Variants in SLC5A7 observed in about 807,000 individuals in gnomAD.
SLC5A7 encodes the protein high affinity choline transporter 1.
In SLC5A7, 19 loss-of-function variants were observed where a neutral mutation model predicts 55.4. That is an observed-to-expected ratio of 0.34 (90% CI 0.24 to 0.50). The LOEUF (loss-of-function observed/expected upper bound fraction) is 0.50. Among genes scored for constraint, SLC5A7 ranks in the 20% least tolerant of loss-of-function variants. The pLI is 0.98. For missense variants in SLC5A7, 506 were observed against 705.3 expected (o/e 0.72, Z 3.20); for synonymous variants, 265 against 263.7 (o/e 1.00, Z -0.05).
chr2:108,007,338 C>G (rs1428815107), intron 7 of SLC5A7, among the ~76,000 whole-genome samples: 2 of 151,938 alleles, frequency 1.3e-5, no homozygotes, highest in Non-Finnish European at 2.9e-5. Flanking sequence ...TGTACACTCT[C>G]CATTCCAGTT....
In SLC5A7 at chr2:108,010,377, A is replaced by T; in HGVS notation, c.1259A>T (p.Gln420Leu). The stretch of plus-strand genomic sequence containing the variant: ...CTTGTTTACATCGTTATCTTCCCCC[A>T]GCTGCTTTGTGTACTCTTTGTTAAG... ...SDLVYIVIFP[Q>L]LLCVLFVKGT... is the part of the protein sequence containing the mutation. Residue 420 changes from glutamine (Q) to leucine (L), a missense_variant, in exon 9 of 9, where the codon CAG (glutamine) becomes CTG (leucine). Physicochemically the swap from Gln to Leu is moderately radical, Grantham distance 113. Around this residue, in one of 4 missense-constraint regions of SLC5A7, gnomAD observed 309 missense variants for 478.6 expected, o/e 0.65. Coordinates refer to ENST00000264047, the MANE Select transcript of SLC5A7 (RefSeq NM_021815.5). The T allele has an allele frequency of 1.9e-6, 3 of 1,613,842 alleles. No homozygotes were observed. Among genetic ancestry groups the T allele is most frequent in the Non-Finnish European group, 2.5e-6 (3 of 1,179,928 alleles).
chr2:107,993,039 A>C lies in SLC5A7; in HGVS notation c.360A>C (p.Gln120His). Residue 120 changes from glutamine to histidine, a missense_variant, in exon 4 of 9, where the codon CAA becomes CAC. Around this residue, in one of 4 missense-constraint regions of SLC5A7, gnomAD observed 309 missense variants for 478.6 expected, o/e 0.65. Transcript: ENST00000264047. ...TGACCATGTTAGACCCGTTTCAGCA[A>C]ATCTATGGAAAACGCATGGGCGGAC... ...GYVTMLDPFQ[Q>H]IYGKRMGGLL... The C allele has an allele frequency of 1.9e-6, 3 of 1,614,236 alleles. No individual in the cohort carries two copies. The highest frequency in any genetic ancestry group is 2.5e-6 in the Non-Finnish European group (3 of 1,180,036).
At position 108,012,436 on chromosome 2, in the gene SLC5A7, A is replaced by G. The variant is rs1678367107; in HGVS notation, c.*1575A>G. ...GTTTAGCATTAAAAATAAAAGTTGT[A>G]CCTTGACCCTAGAATTCCTTTTATA... On this transcript the variant is annotated 3_prime_UTR_variant, in exon 9 of 9. Coordinates refer to ENST00000264047, the MANE Select transcript of SLC5A7 (RefSeq NM_021815.5). 1 of 152,144 alleles carries G rather than the reference A, an allele frequency of 6.6e-6. No individual in the cohort carries two copies. Among genetic ancestry groups the G allele is most frequent in the Admixed American group, 6.6e-5 (1 of 15,260 alleles). The allele number at this position is 152,144 out of a possible 1,614,324, so 9.4% of individuals were successfully genotyped here.
rs1408366593 is a variant in SLC5A7, at chr2:108,002,130, G to T, written c.741+90G>T. 2.6e-5 allele frequency: 38 copies of T among 1,467,166 alleles called. No homozygotes were observed. The Middle Eastern group carries it at 1.9e-3, about 72-fold the overall frequency. 90.9% of individuals were successfully genotyped at this position (1,467,166 alleles called of 1,614,324 possible). A position where few individuals can be genotyped will look rare whatever the true frequency, so the allele number is the denominator to read the frequency against. On this transcript the variant is annotated intron_variant, in intron 6 of 8. Transcript: ENST00000264047. The stretch of plus-strand genomic sequence containing the variant: ...ATTTTCATATTCATAGTAAAAAAAT[G>T]TGCTTGTGGGCTCATGGCCATTTCT...
chr2:107,995,464 A>AGTGTGTGTGTGT (rs1351455221), intron 4 of SLC5A7, among the ~76,000 whole-genome samples: 1 of 129,032 alleles, frequency 7.8e-6, no homozygotes, highest in Non-Finnish European at 1.7e-5. Flanking sequence ...AGAGAGAGAG[A>AGTGTGTGTGTGT]GAGAGAGTGT....
intron 4 of SLC5A7, among the ~76,000 whole-genome samples, chr2:107,995,660 G>A (rs1325186455): frequency 1.3e-5 from 2 of 152,020 alleles, no homozygotes; most frequent in Admixed American, 6.6e-5. Context: ...AAAATTTAGT[G>A]TTTATTACAA....
chr2:108,008,774 A>G, intron 8 of SLC5A7, 92 bp downstream of exon 8: 1 of 845,346 alleles, frequency 1.2e-6, no homozygotes, highest in South Asian at 2.7e-5. Flanking sequence ...TTATATATTT[A>G]TTAATATTCT....
At chr2:108,001,858 A>G (rs1677920542) in intron 5 of SLC5A7, 39 bp from the exon 6 acceptor site, 1 of 1,609,896 alleles carries the variant, frequency 6.2e-7, no homozygotes, top group African/African-American at 1.3e-5. Context: ...GACAGTTGAA[A>G]ACCATCGCCT....
Position 108,006,150 on chromosome 2 carries a change from C to T in SLC5A7, c.843C>T (p.Cys281=). 1 of 1,614,070 alleles carries T rather than the reference C, an allele frequency of 6.2e-7. No individual in the cohort carries two copies. The highest frequency in any genetic ancestry group is 8.5e-7 in the Non-Finnish European group (1 of 1,179,988). The change falls in exon 7 of 9, where the codon TGC becomes TGT. Residue 281 remains cysteine (C), a synonymous_variant. Coordinates refer to ENST00000264047, the MANE Select transcript of SLC5A7 (RefSeq NM_021815.5). ...QVLSFLAAFG[C]LVMAIPAILI... ...TGTCCTTCCTGGCAGCTTTCGGGTG[C>T]CTGGTGATGGCCATCCCAGCCATAC...
Position 108,012,775 on chromosome 2 carries a change from A to T in SLC5A7, c.*1914A>T, listed in dbSNP as rs1051010008. The T allele has an allele frequency of 2.0e-5, 3 of 152,256 alleles. No individual in the cohort carries two copies. Among genetic ancestry groups the T allele is most frequent in the African/African-American group, 7.2e-5 (3 of 41,576 alleles). 9.4% of individuals were successfully genotyped at this position (152,256 alleles called of 1,614,324 possible). A position where few individuals can be genotyped will look rare whatever the true frequency, so the allele number is the denominator to read the frequency against. On this transcript the variant is annotated 3_prime_UTR_variant, in exon 9 of 9. Coordinates refer to ENST00000264047, the MANE Select transcript of SLC5A7 (RefSeq NM_021815.5). ...GTATGGGAGTCCACGATTCTCAGGT[A>T]TTGATTGAAAAAAGAGAAAGGGGCA...
Position 108,011,210 on chromosome 2 carries a change from T to C in SLC5A7, c.*349T>C, listed in dbSNP as rs1163011964. 1 of 170,686 alleles carries C rather than the reference T, an allele frequency of 5.9e-6. No homozygotes were observed. The highest frequency in any genetic ancestry group is 1.2e-5 in the Non-Finnish European group (1 of 81,054). The allele number at this position is 170,686 out of a possible 1,614,324, so 10.6% of individuals were successfully genotyped here. ...TGAAAAAGCCTAAGAAAAAGGAAATTGGACAGTTTTGATACAAACTTTGTT... is the reference window on the plus strand; with the variant it reads ...TGAAAAAGCCTAAGAAAAAGGAAATCGGACAGTTTTGATACAAACTTTGTT... On this transcript the variant is annotated 3_prime_UTR_variant, in exon 9 of 9. Coordinates refer to ENST00000264047, the MANE Select transcript of SLC5A7 (RefSeq NM_021815.5).
chr2:108,006,226 C>G, intron 7 of SLC5A7, 24 bp downstream of exon 7: 1 of 1,612,832 alleles, frequency 6.2e-7, no homozygotes, highest in South Asian at 1.1e-5. Flanking sequence ...AGCTTCACCA[C>G]ATGTGCCAGT....
At chr2:107,998,066 TAGAAA>T in intron 5 of SLC5A7, 80 bp downstream of exon 5, 5 of 1,340,094 alleles carry the variant, frequency 3.7e-6, no homozygotes, top group Non-Finnish European at 5.0e-6. Flanking sequence ...TAAAAATGAG[TAGAAA>T]TATTATTTTC....
At chr2:107,990,675 T>A (rs775098491) in intron 2 of SLC5A7, among the ~76,000 whole-genome samples, 1 of 152,222 alleles carries the variant, frequency 6.6e-6, no homozygotes, top group Non-Finnish European at 1.5e-5. Context: ...GTATATAAAC[T>A]TTTCATTTAA....
rs1458577551 is a variant in SLC5A7, at chr2:108,008,599, G to T, written c.1030G>T (p.Val344Phe). Residue 344 changes from valine (V) to phenylalanine (F), a missense_variant, in exon 8 of 9, where the codon GTT becomes TTT. Val to Phe is a conservative substitution (Grantham distance 50). This residue lies in a region of SLC5A7 where 309 missense variants were observed against 478.6 expected (regional missense o/e 0.65). Coordinates refer to ENST00000264047, the MANE Select transcript of SLC5A7 (RefSeq NM_021815.5). ...FFGLGAVSAA[V>F]MSSADSSILS... Reference sequence around the variant, plus strand: ...TGGTCTTGGTGCAGTTTCTGCTGCTGTTATGTCATCAGCAGATTCTTCCAT... The same window carrying T: ...TGGTCTTGGTGCAGTTTCTGCTGCTTTTATGTCATCAGCAGATTCTTCCAT... 1 of 1,613,502 alleles carries T rather than the reference G, an allele frequency of 6.2e-7. No homozygotes were observed. Among genetic ancestry groups the T allele is most frequent in the Admixed American group, 1.7e-5 (1 of 59,898 alleles).
At position 107,997,900 on chromosome 2, in the gene SLC5A7, A is replaced by G. The variant is rs1324522051; in HGVS notation, c.511A>G (p.Ile171Val). 1 of 1,613,848 alleles carries G rather than the reference A, an allele frequency of 6.2e-7. No homozygotes were observed. The highest frequency in any genetic ancestry group is 8.5e-7 in the Non-Finnish European group (1 of 1,179,930). Reference sequence around the variant, plus strand: ...CATTTCTGTCATCATCTCTGCACTCATTGCCACTCTGTACACACTGGTGGG... The same window carrying G: ...CATTTCTGTCATCATCTCTGCACTCGTTGCCACTCTGTACACACTGGTGGG... ...MHISVIISAL[I>V]ATLYTLVGGL... Residue 171 changes from isoleucine (I) to valine (V), a missense_variant, in exon 5 of 9, where the codon ATT (isoleucine) becomes GTT (valine). Ile to Val is a conservative substitution (Grantham distance 29). Transcript: ENST00000264047.
intron 4 of SLC5A7, among the ~76,000 whole-genome samples, chr2:107,995,935 C>T (rs1449144837): frequency 6.6e-6 from 1 of 152,040 alleles, no homozygotes; most frequent in African/African-American, 2.4e-5. Flanking sequence ...GTTTTACTTA[C>T]AATTGATTTA....
intron 4 of SLC5A7, among the ~76,000 whole-genome samples, chr2:107,994,557 G>T (rs1490775537): frequency 6.6e-6 from 1 of 152,094 alleles, no homozygotes; most frequent in Non-Finnish European, 1.5e-5. Flanking sequence ...CTGCACTCCA[G>T]CCTGGGCGAC....
intron 7 of SLC5A7, among the ~76,000 whole-genome samples, chr2:108,008,192 A>G (rs11678551): frequency 0.049 from 7,493 of 152,282 alleles, 315 homozygotes; most frequent in Admixed American, 0.15. Flanking sequence ...CTATGATTCT[A>G]GGCAATGTAA....
Sources: allele counts gnomAD v4.1 joint callset (sites outside exome capture counted in the v4.1 genomes callset), GRCh38; gene constraint gnomAD v4.1.1; regional missense constraint gnomAD v4.1.1; transcripts MANE v1.5; gene names NCBI Gene and HGNC (gene_info 2026-07-23, HGNC 2026-07-21).